The following ZMYM2 variants were observed in gnomAD, a reference collection of about 807,000 sequenced individuals.
ZMYM2 encodes zinc finger MYM-type containing 2, also known as zinc finger MYM-type protein 2.
In ZMYM2, 56 loss-of-function variants were observed where a neutral mutation model predicts 162.8. The observed-to-expected ratio is 0.34, with a 90% CI of 0.28 to 0.43. ZMYM2 has a LOEUF of 0.43. Among genes scored for constraint, ZMYM2 ranks in the 20% least tolerant of loss-of-function variants. The pLI, the probability that ZMYM2 is intolerant of heterozygous loss-of-function variation, is 1.00. For synonymous variants in ZMYM2, 510 were observed against 541.6 expected, an observed-to-expected ratio of 0.94 and a Z score of 0.81; for missense variants, 1,275 against 1,621.8, an observed-to-expected ratio of 0.79 and a Z score of 3.67.
the ZMYM2 span, among the ~76,000 whole-genome samples, chr13:19,880,430 A>T: frequency 3.3e-5 from 5 of 150,908 alleles, no homozygotes; most frequent in African/African-American, 9.8e-5. Context: ...TTGTAACTGA[A>T]TTTTTTTTCT....
chr13:19,959,378 T>G (rs1954918910), intron 1 of ZMYM2, among the ~76,000 whole-genome samples: 1 of 151,958 alleles, frequency 6.6e-6, no homozygotes, highest in Non-Finnish European at 1.5e-5. Flanking sequence ...CTCCGCCGGG[T>G]CCCCTCCTTC....
the ZMYM2 span, among the ~76,000 whole-genome samples, chr13:19,884,209 A>C: frequency 6.6e-6 from 1 of 152,170 alleles, no homozygotes; most frequent in Non-Finnish European, 1.5e-5. Flanking sequence ...GCTCTCAAAA[A>C]AATTTAAAAA....
At chr13:20,051,690 T>G in intron 13 of ZMYM2, 92 bp downstream of exon 13, 5 of 1,283,318 alleles carry the variant, frequency 3.9e-6, no homozygotes, top group Non-Finnish European at 5.2e-6. Context: ...ATAGTTGATT[T>G]TGGAGATAGC....
chr13:19,942,764 T>A, the ZMYM2 span, among the ~76,000 whole-genome samples: 1 of 152,140 alleles, frequency 6.6e-6, no homozygotes, highest in Non-Finnish European at 1.5e-5. Flanking sequence ...AATTTTTTAA[T>A]GAAATTTTAT....
chr13:20,023,536 C>T (rs927114273), intron 7 of ZMYM2, among the ~76,000 whole-genome samples: 1 of 152,124 alleles, frequency 6.6e-6, no homozygotes, highest in African/African-American at 2.4e-5. Context: ...TGAAAATGAG[C>T]CAGTTTGTCA....
intron 21 of ZMYM2, among the ~76,000 whole-genome samples, chr13:20,079,829 A>T (rs187907727): frequency 1.3e-5 from 2 of 152,326 alleles, no homozygotes; most frequent in Admixed American, 1.3e-4. Flanking sequence ...TGTTACATAG[A>T]AATTTTCTCT....
chr13:19,948,910 C>T, the ZMYM2 span, among the ~76,000 whole-genome samples: 149,803 of 152,252 alleles, frequency 0.98, 73,746 homozygotes, highest in Middle Eastern at 1. Context: ...GGTCATTTTC[C>T]CCCCCTTCGT....
intron 9 of ZMYM2, among the ~76,000 whole-genome samples, chr13:20,031,007 CCTCA>C (rs1441434154): frequency 6.6e-6 from 1 of 151,992 alleles, no homozygotes; most frequent in African/African-American, 2.4e-5. Flanking sequence ...GGCAACTTAA[CCTCA>C]CTATTATTTG....
chr13:19,989,263 G>A (rs1039977059), intron 2 of ZMYM2, among the ~76,000 whole-genome samples: 1 of 152,028 alleles, frequency 6.6e-6, no homozygotes, highest in African/African-American at 2.4e-5. Context: ...GTTTTTGTGG[G>A]TACACTGTAG....
At chr13:20,008,411 G>A (rs754439070) in intron 6 of ZMYM2, among the ~76,000 whole-genome samples, 1 of 152,234 alleles carries the variant, frequency 6.6e-6, no homozygotes, top group Non-Finnish European at 1.5e-5. Context: ...GATTACAGGC[G>A]TGAGCCATCA....
In ZMYM2 at chr13:20,087,108, T is replaced by C. The variant is rs1275123141; in HGVS notation, c.*1094T>C. On this transcript the variant is annotated 3_prime_UTR_variant, in exon 25 of 25. Transcript: ENST00000610343. ...GAAAGTCAAGCTATGTTAAATAAGA[T>C]AGGATCACATTTTATAATGAAGATT... The C allele has an allele frequency of 5.4e-6, 1 of 184,824 alleles. No homozygotes were observed. The highest frequency in any genetic ancestry group is 1.1e-5 in the Non-Finnish European group (1 of 87,158). The allele number at this position is 184,824 out of a possible 1,614,324, so 11.4% of individuals were successfully genotyped here.
chr13:20,054,845 T>C (rs7988230), intron 14 of ZMYM2, among the ~76,000 whole-genome samples: 10,421 of 152,250 alleles, frequency 0.068, 460 homozygotes, highest in African/African-American at 0.12. Context: ...AGATACTGTT[T>C]GCTAAGTTAT....
the ZMYM2 span, among the ~76,000 whole-genome samples, chr13:19,874,186 T>C: frequency 6.6e-6 from 1 of 152,170 alleles, no homozygotes; most frequent in Non-Finnish European, 1.5e-5. Context: ...GAATCACCTA[T>C]GAGGCGGAAC....
the ZMYM2 span, among the ~76,000 whole-genome samples, chr13:19,883,762 A>T: frequency 2.6e-5 from 4 of 152,188 alleles, no homozygotes; most frequent in African/African-American, 9.6e-5. Context: ...ATATATATAT[A>T]TATTTTTTTG....
At chr13:19,882,630 C>T in the ZMYM2 span, among the ~76,000 whole-genome samples, 2 of 152,050 alleles carry the variant, frequency 1.3e-5, no homozygotes, top group African/African-American at 4.8e-5. Flanking sequence ...GCCTGTCATC[C>T]CAACTACTCA....
intron 2 of ZMYM2, among the ~76,000 whole-genome samples, chr13:19,969,234 A>G (rs1168787339): frequency 6.6e-6 from 1 of 152,156 alleles, no homozygotes; most frequent in Non-Finnish European, 1.5e-5. Context: ...TCCGTTCCCT[A>G]TCCTTATGTT....
At chr13:20,085,257 G>A (rs1490541505) in intron 24 of ZMYM2, among the ~76,000 whole-genome samples, 1 of 152,086 alleles carries the variant, frequency 6.6e-6, no homozygotes, top group Admixed American at 6.5e-5. Context: ...TTTGAATTAG[G>A]GATGCTCAGC....
intron 19 of ZMYM2, among the ~76,000 whole-genome samples, chr13:20,065,856 G>A (rs1956634405): frequency 6.6e-6 from 1 of 152,218 alleles, no homozygotes; most frequent in African/African-American, 2.4e-5. Context: ...GACAGAGCAA[G>A]GCCCTGTCTT....
chr13:19,978,775 A>G (rs1364994871), intron 2 of ZMYM2, among the ~76,000 whole-genome samples: 3 of 152,164 alleles, frequency 2.0e-5, no homozygotes, highest in Non-Finnish European at 4.4e-5. Flanking sequence ...TTATAAACCT[A>G]AAGTACATTA....
Sources: gnomAD v4.1 joint callset for allele counts (sites outside exome capture counted in the v4.1 genomes callset) on GRCh38, gnomAD v4.1.1 for gene constraint, MANE v1.5 for transcripts, NCBI Gene and HGNC (gene_info 2026-07-23, HGNC 2026-07-21) for gene names.